Variants in CYP2J2 observed in about 807,000 individuals in gnomAD.
CYP2J2 encodes the protein cytochrome P450 2J2.
A neutral mutation model predicts 48.8 loss-of-function variants in CYP2J2; 41 were observed. The observed-to-expected ratio is 0.84, with a 90% CI of 0.66 to 1.09. The LOEUF is 1.09. CYP2J2 is among the 50% of genes least tolerant of loss of function. The pLI, the probability that CYP2J2 is intolerant of heterozygous loss-of-function variation, is 0.00. For synonymous variants in CYP2J2, 221 were observed against 227.1 expected, an observed-to-expected ratio of 0.97 and a Z score of 0.24; for missense variants, 644 against 617.3, an observed-to-expected ratio of 1.04 and a Z score of -0.46.
At chr1:59,955,751 G>A in the CYP2J2 span, among the ~76,000 whole-genome samples, 22 of 152,204 alleles carry the variant, frequency 1.4e-4, no homozygotes, top group Non-Finnish European at 3.1e-4. Flanking sequence ...AAATGAGGAA[G>A]GTTCTATTTA....
chr1:59,961,610 T>G, the CYP2J2 span, among the ~76,000 whole-genome samples: 3 of 152,054 alleles, frequency 2.0e-5, no homozygotes. Context: ...AACCCAGAAA[T>G]TCCACAGCTA....
At chr1:59,950,315 G>T in the CYP2J2 span, among the ~76,000 whole-genome samples, 11 of 152,302 alleles carry the variant, frequency 7.2e-5, no homozygotes, top group African/African-American at 2.6e-4. Flanking sequence ...TTTGTGAGCT[G>T]TCAAGACCAT....
Position 59,911,798 on chromosome 1 carries a change from C to A in CYP2J2, c.524-30G>T, listed in dbSNP as rs1282769061. The A allele has an allele frequency of 5.0e-6, 8 of 1,600,254 alleles. No homozygotes were observed. In the South Asian group the frequency reaches 9.0e-5, roughly 18 times the overall value. On this transcript the variant is annotated intron_variant, in intron 3 of 8. Transcript: ENST00000371204. The stretch of plus-strand genomic sequence containing the variant: ...AGGTGGAGGAAGGGCAAGATGGATC[C>A]TTCTGATGGATTTGTCTCCATTTCC...
chr1:59,893,698 T>C lies in CYP2J2; in HGVS notation c.1462A>G (p.Thr488Ala). The change falls in exon 9 of 9, where the codon ACC becomes GCC. Residue 488 changes from threonine (T) to alanine (A), a missense_variant. Transcript: ENST00000371204. ...AGGCGGTGACTGACTGGGGAAATGG[T>C]GATACCCATTCTAAACTTCAGGCTC... ...KLSLKFRMGITISPVSHRLCA... is the reference protein window; with the variant it reads ...KLSLKFRMGIAISPVSHRLCA... 1 of 1,613,450 alleles carries C rather than the reference T, an allele frequency of 6.2e-7. No individual in the cohort carries two copies. The highest frequency in any genetic ancestry group is 8.5e-7 in the Non-Finnish European group (1 of 1,179,716).
the CYP2J2 span, among the ~76,000 whole-genome samples, chr1:59,939,144 A>G: frequency 6.6e-6 from 1 of 152,278 alleles, no homozygotes; most frequent in South Asian, 2.1e-4. Context: ...TAACAGTCTG[A>G]TCTCTCTTTC....
chr1:59,921,369 T>C (rs1382986149), intron 1 of CYP2J2, among the ~76,000 whole-genome samples: 1 of 152,156 alleles, frequency 6.6e-6, no homozygotes, highest in Admixed American at 6.5e-5. Context: ...GCTGCCAGAA[T>C]GAGCCAACAG....
chr1:59,954,591 G>A, the CYP2J2 span, among the ~76,000 whole-genome samples: 1 of 147,856 alleles, frequency 6.8e-6, no homozygotes, highest in Non-Finnish European at 1.5e-5. Flanking sequence ...GGTGGGTCGG[G>A]GGGGGATGCA....
the CYP2J2 span, among the ~76,000 whole-genome samples, chr1:59,968,460 G>T: frequency 6.6e-6 from 1 of 151,704 alleles, no homozygotes; most frequent in African/African-American, 2.4e-5. Flanking sequence ...AGGACGCTTG[G>T]AGGGCCTGGA....
chr1:59,926,462 C>T (rs1644565001), intron 1 of CYP2J2, 75 bp downstream of exon 1: 2 of 1,302,310 alleles, frequency 1.5e-6, no homozygotes, highest in Non-Finnish European at 2.2e-6. Context: ...ACCCCACCCA[C>T]GTTGCCGGAA....
the CYP2J2 span, among the ~76,000 whole-genome samples, chr1:59,952,951 A>C: frequency 2.4e-4 from 36 of 152,320 alleles, no homozygotes; most frequent in African/African-American, 7.7e-4. Flanking sequence ...CACAGTAAGT[A>C]AGGCATGGAA....
At chr1:59,965,306 T>TG in the CYP2J2 span, among the ~76,000 whole-genome samples, 6 of 152,174 alleles carry the variant, frequency 3.9e-5, no homozygotes, top group Admixed American at 3.9e-4. Context: ...CAGAGGACAC[T>TG]GAATATAGCT....
At chr1:59,893,922 G>T in intron 8 of CYP2J2, 93 bp from the exon 9 acceptor site, 1 of 1,305,642 alleles carries the variant, frequency 7.7e-7, no homozygotes, top group South Asian at 1.6e-5. Flanking sequence ...CAAAAAAATG[G>T]AGCAGAGGAA....
chr1:59,944,601 C>T, the CYP2J2 span, among the ~76,000 whole-genome samples: 4 of 152,152 alleles, frequency 2.6e-5, no homozygotes, highest in African/African-American at 9.7e-5. Context: ...CATTTAAATA[C>T]CGATAAATAT....
chr1:59,949,027 G>T, the CYP2J2 span, among the ~76,000 whole-genome samples: 1 of 151,370 alleles, frequency 6.6e-6, no homozygotes, highest in Non-Finnish European at 1.5e-5. Context: ...GGGCAACATA[G>T]TGAGACCACA....
chr1:59,906,797 A>C (rs1231522716), intron 6 of CYP2J2, among the ~76,000 whole-genome samples: 2 of 152,218 alleles, frequency 1.3e-5, no homozygotes, highest in Non-Finnish European at 2.9e-5. Context: ...ATATACCTAA[A>C]TATACATATA....
chr1:59,946,114 T>C, the CYP2J2 span, among the ~76,000 whole-genome samples: 6 of 152,244 alleles, frequency 3.9e-5, no homozygotes, highest in Non-Finnish European at 7.3e-5. Flanking sequence ...CTTCCCATCT[T>C]ACTCAAAGTA....
intron 4 of CYP2J2, 86 bp from the exon 5 acceptor site, chr1:59,910,046 G>A (rs543010278): frequency 8.5e-5 from 90 of 1,057,884 alleles, no homozygotes; most frequent in African/African-American, 6.1e-4. Flanking sequence ...TTCTCTTTCC[G>A]TCTCTTTTAT....
the CYP2J2 span, among the ~76,000 whole-genome samples, chr1:59,963,897 CTG>C: frequency 1.3e-5 from 2 of 152,078 alleles, no homozygotes; most frequent in African/African-American, 2.4e-5. Context: ...ATAAAATTAT[CTG>C]TTATACTCTG....
At chr1:59,966,813 G>A in the CYP2J2 span, among the ~76,000 whole-genome samples, 1 of 152,044 alleles carries the variant, frequency 6.6e-6, no homozygotes, top group Non-Finnish European at 1.5e-5. Flanking sequence ...AAGCAGAAAA[G>A]GTAAGTGACA....
Sources: allele counts gnomAD v4.1 joint callset (sites outside exome capture counted in the v4.1 genomes callset), GRCh38; gene constraint gnomAD v4.1.1; transcripts MANE v1.5; gene names NCBI Gene and HGNC (gene_info 2026-07-23, HGNC 2026-07-21).